Variants in SEMA5A observed in about 807,000 individuals in gnomAD.
SEMA5A encodes the protein semaphorin 5A.
Under a neutral mutation model 135.5 loss-of-function variants are expected in SEMA5A, and 55 were observed. That is an observed-to-expected ratio of 0.41 (90% confidence interval 0.33 to 0.51). SEMA5A has a LOEUF of 0.51. SEMA5A is among the 20% of genes least tolerant of loss of function. The pLI is 0.37. For missense variants in SEMA5A, 1,290 were observed against 1,419.9 expected, an observed-to-expected ratio of 0.91 and a Z score of 1.47; for synonymous variants, 580 against 546.5, an observed-to-expected ratio of 1.06 and a Z score of -0.85.
intron 1 of SEMA5A, among the ~76,000 whole-genome samples, chr5:9,440,197 C>A (rs1758183299): frequency 6.6e-6 from 1 of 152,246 alleles, no homozygotes; most frequent in African/African-American, 2.4e-5. Flanking sequence ...GGTCCAGAAG[C>A]AGAGCCCCCG....
intron 2 of SEMA5A, among the ~76,000 whole-genome samples, chr5:9,386,286 C>G (rs566780617): frequency 1.3e-5 from 2 of 152,220 alleles, no homozygotes; most frequent in African/African-American, 4.8e-5. Flanking sequence ...CCTGACAGAG[C>G]CAAAGATGGG....
chr5:9,123,142 T>C (rs949018551), intron 13 of SEMA5A, among the ~76,000 whole-genome samples: 18 of 150,974 alleles, frequency 1.2e-4, no homozygotes, highest in Admixed American at 4.0e-4. Context: ...TAGTCCCAGC[T>C]ACTCAGGAGG....
intron 1 of SEMA5A, among the ~76,000 whole-genome samples, chr5:9,539,707 T>C (rs1737972618): frequency 1.3e-5 from 2 of 152,234 alleles, no homozygotes; most frequent in African/African-American, 4.8e-5. Flanking sequence ...TTTAGGGTCA[T>C]GTCGGTGCTC....
chr5:9,231,465 C>CAAAAA (rs58901854), intron 6 of SEMA5A, among the ~76,000 whole-genome samples: 1 of 64,658 alleles, frequency 1.5e-5, no homozygotes, highest in African/African-American at 6.5e-5. Flanking sequence ...GACTCCATCT[C>CAAAAA]AAAAAAAAAA....
In SEMA5A at chr5:9,332,637, C is replaced by CT. The variant is rs1350351801; in HGVS notation, c.224+5075_224+5076insA. Among the ~76,000 whole-genome samples, 6 of 151,324 alleles carry CT rather than the reference C, an allele frequency of 4.0e-5. No homozygotes were observed. The East Asian group carries it at 1.2e-3, about 30-fold the overall frequency. On this transcript the variant is annotated intron_variant, in intron 4 of 22. Transcript: ENST00000382496. The stretch of plus-strand genomic sequence containing the variant: ...TGCTACTCACATTGGGTCAGGTGTG[C>CT]AATGTGTGCAGCTATGGGCTGGTAC...
intron 9 of SEMA5A, among the ~76,000 whole-genome samples, 170 bp from the exon 10 acceptor site, chr5:9,197,473 T>A (rs1745458367): frequency 6.6e-6 from 1 of 152,188 alleles, no homozygotes; most frequent in Non-Finnish European, 1.5e-5. Context: ...GGCTCCCCTG[T>A]GGAGGAACAA....
chr5:9,350,382 G>T (rs1248854316), intron 3 of SEMA5A, among the ~76,000 whole-genome samples: 3 of 152,212 alleles, frequency 2.0e-5, no homozygotes, highest in Non-Finnish European at 4.4e-5. Flanking sequence ...AGCCAAGCAT[G>T]TTCCAAGAGA....
At chr5:9,434,209 A>G (rs1056727081) in intron 2 of SEMA5A, among the ~76,000 whole-genome samples, 1 of 152,138 alleles carries the variant, frequency 6.6e-6, no homozygotes, top group Non-Finnish European at 1.5e-5. Context: ...TTTTTCTTCA[A>G]TTTGCAATAA....
chr5:9,214,704 A>C (rs1806030), intron 8 of SEMA5A, among the ~76,000 whole-genome samples: 4,473 of 152,254 alleles, frequency 0.029, 237 homozygotes, highest in African/African-American at 0.1. Flanking sequence ...AGGCCACAGC[A>C]TGTCATGCTC....
At chr5:9,158,175 C>A (rs1806135) in intron 11 of SEMA5A, among the ~76,000 whole-genome samples, 1 of 151,952 alleles carries the variant, frequency 6.6e-6, no homozygotes, top group African/African-American at 2.4e-5. Flanking sequence ...ATTACTCCCA[C>A]ATTTGCTAAA....
chr5:9,207,900 CATAG>C (rs1240683398), intron 8 of SEMA5A, among the ~76,000 whole-genome samples: 99 of 17,790 alleles, frequency 5.6e-3, no homozygotes, highest in African/African-American at 0.022. Context: ...TAGATAGATA[CATAG>C]ATAGATAGAT....
intron 8 of SEMA5A, among the ~76,000 whole-genome samples, chr5:9,207,884 GATAGATAGATAGATAC>G (rs141910592): frequency 0.11 from 4,870 of 44,260 alleles, 144 homozygotes; most frequent in African/African-American, 0.22. Context: ...TAGATAGATA[GATAGATAGATAGATAC>G]ATAGATAGAT....
chr5:9,220,959 A>G (rs1333217228), intron 8 of SEMA5A, among the ~76,000 whole-genome samples: 1 of 152,140 alleles, frequency 6.6e-6, no homozygotes, highest in East Asian at 1.9e-4. Context: ...AAAGTCAGCC[A>G]ATAATGGAGG....
At chr5:9,497,627 CA>C (rs1462429618) in intron 1 of SEMA5A, among the ~76,000 whole-genome samples, 1 of 152,156 alleles carries the variant, frequency 6.6e-6, no homozygotes, top group Non-Finnish European at 1.5e-5. Flanking sequence ...CAGATGGTGA[CA>C]GTTAATCTTC....
At chr5:9,318,463 G>T (rs569693642) in intron 4 of SEMA5A, 46 bp from the exon 5 acceptor site, 93 of 1,484,992 alleles carry the variant, frequency 6.3e-5, no homozygotes, top group Non-Finnish European at 8.3e-5. Flanking sequence ...ATAGATCACA[G>T]AAAGTTAAGA....
intron 1 of SEMA5A, among the ~76,000 whole-genome samples, chr5:9,494,068 A>C (rs1445737316): frequency 1.3e-5 from 2 of 152,208 alleles, no homozygotes; most frequent in Admixed American, 1.3e-4. Flanking sequence ...TTCTTCATAA[A>C]GGCTGAGCAT....
chr5:9,491,600 T>C (rs1735009647), intron 1 of SEMA5A, among the ~76,000 whole-genome samples: 1 of 152,190 alleles, frequency 6.6e-6, no homozygotes, highest in Non-Finnish European at 1.5e-5. Context: ...AATTTCCTGA[T>C]TAAAGTCAGG....
At chr5:9,537,721 C>G (rs3798086) in intron 1 of SEMA5A, among the ~76,000 whole-genome samples, 21,067 of 152,138 alleles carry the variant, frequency 0.14, 1,505 homozygotes, top group Middle Eastern at 0.21. Flanking sequence ...AGCTATTGCA[C>G]TAGGACTTAA....
intron 16 of SEMA5A, among the ~76,000 whole-genome samples, chr5:9,089,029 C>A (rs188154126): frequency 6.6e-6 from 1 of 152,288 alleles, no homozygotes; most frequent in African/African-American, 2.4e-5. Context: ...AACACTACTC[C>A]TTCTTTGTGC....
Sources: allele counts gnomAD v4.1 joint callset (sites outside exome capture counted in the v4.1 genomes callset), GRCh38; gene constraint gnomAD v4.1.1; transcripts MANE v1.5; gene names NCBI Gene and HGNC (gene_info 2026-07-23, HGNC 2026-07-21).